TOP2A: variants seen among roughly 807,000 people sequenced by gnomAD.
TOP2A encodes DNA topoisomerase 2-alpha.
A neutral mutation model predicts 187.2 loss-of-function variants in TOP2A; 68 were observed. That is an observed-to-expected ratio of 0.36 (90% CI 0.30 to 0.44). TOP2A has a LOEUF of 0.44. Among genes scored for constraint, TOP2A ranks in the 20% least tolerant of loss-of-function variants. The probability of loss-of-function intolerance (pLI) is 1.00; values close to 1 mark genes in which losing one functional copy is unlikely to be tolerated. For missense variants in TOP2A, 1,196 were observed against 1,808.7 expected, an observed-to-expected ratio of 0.66 and a Z score of 6.14; for synonymous variants, 542 against 593.2, an observed-to-expected ratio of 0.91 and a Z score of 1.25.
chr17:40,395,352 T>A, intron 29 of TOP2A, 97 bp downstream of exon 29: 1 of 607,392 alleles, frequency 1.6e-6, no homozygotes, highest in South Asian at 2.3e-5. Flanking sequence ...GTTTCTCAAT[T>A]CAACAAAAAG....
At chr17:40,404,659 TA>T (rs1361200794) in intron 17 of TOP2A, 131 bp downstream of exon 17, 1 of 744,792 alleles carries the variant, frequency 1.3e-6, no homozygotes, top group African/African-American at 1.8e-5. Context: ...AAAGCAAATT[TA>T]ACTGCTGCAC....
At chr17:40,393,845 C>T (rs2035056835) in intron 29 of TOP2A, among the ~76,000 whole-genome samples, 1 of 152,058 alleles carries the variant, frequency 6.6e-6, no homozygotes, top group South Asian at 2.1e-4. Flanking sequence ...CGCTTGAGGT[C>T]AGGAGTTTGA....
chr17:40,406,946 G>A lies in TOP2A; in HGVS notation c.1627-4C>T, dbSNP rs1469260812. The A allele has an allele frequency of 1.3e-6, 2 of 1,574,522 alleles. No individual in the cohort carries two copies. Among genetic ancestry groups the A allele is most frequent in the Non-Finnish European group, 8.6e-7 (1 of 1,156,236 alleles). ...TGATGTGGGAACCATCTTGGTCCTAGAAAGATTTGAAAGCCAAAGTTCAAA... is the reference window on the plus strand; with the variant it reads ...TGATGTGGGAACCATCTTGGTCCTAAAAAGATTTGAAAGCCAAAGTTCAAA... On this transcript the variant is annotated splice_polypyrimidine_tract_variant and splice_region_variant and intron_variant, in intron 13 of 34. Coordinates refer to ENST00000423485, the MANE Select transcript of TOP2A (RefSeq NM_001067.4).
intron 19 of TOP2A, 59 bp from the exon 20 acceptor site, chr17:40,403,113 C>T: frequency 4.1e-6 from 6 of 1,464,248 alleles, no homozygotes; most frequent in Non-Finnish European, 5.6e-6. Flanking sequence ...TACATTATGA[C>T]TTAACCTCAC....
intron 25 of TOP2A, 32 bp downstream of exon 25, chr17:40,399,008 T>C (rs2035140076): frequency 6.3e-7 from 1 of 1,593,010 alleles, no homozygotes; most frequent in Admixed American, 1.8e-5. Context: ...ACATAGTCTT[T>C]AACAATATAG....
At chr17:40,394,777 C>T (rs1360101738) in intron 29 of TOP2A, among the ~76,000 whole-genome samples, 1 of 152,070 alleles carries the variant, frequency 6.6e-6, no homozygotes, top group Non-Finnish European at 1.5e-5. Context: ...TATTTATATC[C>T]GAAGCATGAT....
Position 40,411,032 on chromosome 17 carries a change from T to C in TOP2A, c.1203+77A>G. The C allele has an allele frequency of 7.2e-7, 1 of 1,385,068 alleles. No individual in the cohort carries two copies. Among genetic ancestry groups the C allele is most frequent in the South Asian group, 1.5e-5 (1 of 68,700 alleles). 85.8% of individuals were successfully genotyped at this position (1,385,068 alleles called of 1,614,324 possible). On this transcript the variant is annotated intron_variant, in intron 10 of 34. Coordinates refer to ENST00000423485, the MANE Select transcript of TOP2A (RefSeq NM_001067.4). The surrounding 1 kb of genome is among the most constrained non-coding windows in gnomAD (Gnocchi z 4.4). ...GAGAAGCTCACTATGAGAAGAATCA[T>C]TGTTTCTGCAGAGCTAAGAAGTGCA...
rs2035200897 is a variant in TOP2A, at chr17:40,403,068, A to C, written c.2284-14T>G. ...CATTAGTGACATCTGTGGGGAAAAAAAGATTCATTAAGCTGAGGCTTTTAC... is the reference window on the plus strand; with the variant it reads ...CATTAGTGACATCTGTGGGGAAAAACAGATTCATTAAGCTGAGGCTTTTAC... On this transcript the variant is annotated splice_polypyrimidine_tract_variant and intron_variant, in intron 19 of 34. Transcript: ENST00000423485. 6.3e-7 allele frequency: 1 copy of C among 1,582,182 alleles called. No individual in the cohort carries two copies. Among genetic ancestry groups the C allele is most frequent in the African/African-American group, 1.3e-5 (1 of 74,428 alleles).
intron 10 of TOP2A, chr17:40,409,709 G>A (rs2035296294): frequency 4.7e-6 from 1 of 214,186 alleles, no homozygotes; most frequent in African/African-American, 2.4e-5. Context: ...GAACCTGGGA[G>A]GCAGAGATTG....
rs1470403543 is a variant in TOP2A at position 40,396,440 on chromosome 17, T to C, written c.3563A>G (p.Asp1188Gly). The C allele has an allele frequency of 6.2e-7, 1 of 1,613,896 alleles. No individual in the cohort carries two copies. The highest frequency in any genetic ancestry group is 2.2e-5 in the East Asian group (1 of 44,892). ...TTTCCCAGGAAGTCCGACTTGTTCA[T>C]CTTGTTTTTCCTTGGCTTCAACAGC... ...LEAVEAKEKQ[D>G]EQVGLPGKGG... The change falls in exon 28 of 35, where the codon GAT becomes GGT. Residue 1188 changes from aspartate to glycine, a missense_variant. Coordinates refer to ENST00000423485, the MANE Select transcript of TOP2A (RefSeq NM_001067.4).
chr17:40,412,626 A>G, intron 7 of TOP2A, 133 bp downstream of exon 7: 1 of 744,632 alleles, frequency 1.3e-6, no homozygotes, highest in South Asian at 1.8e-5. Flanking sequence ...CCCGGGCAAC[A>G]GTGTGAGACT....
chr17:40,402,755 G>A, intron 20 of TOP2A, 151 bp downstream of exon 20: 1 of 693,776 alleles, frequency 1.4e-6, no homozygotes, highest in Non-Finnish European at 2.3e-6. Context: ...TTGTTATGGG[G>A]GGGCTTTCCT....
Position 40,411,043 on chromosome 17 carries a change from G to T in TOP2A, c.1203+66C>A. ...TATGAGAAGAATCATTGTTTCTGCA[G>T]AGCTAAGAAGTGCAATGGAAAATAA... On this transcript the variant is annotated intron_variant, in intron 10 of 34. Transcript: ENST00000423485. This position sits in a 1 kb window ranked among gnomAD's most constrained non-coding sequence, Gnocchi z 4.4. The T allele has an allele frequency of 7.0e-7, 1 of 1,438,132 alleles. No individual in the cohort carries two copies. The highest frequency in any genetic ancestry group is 9.3e-7 in the Non-Finnish European group (1 of 1,078,466). 89.1% of individuals were successfully genotyped at this position (1,438,132 alleles called of 1,614,324 possible).
At chr17:40,413,096 G>A (rs1293663485) in intron 6 of TOP2A, 99 bp downstream of exon 6, 3 of 1,286,282 alleles carry the variant, frequency 2.3e-6, no homozygotes, top group African/African-American at 3.0e-5. Flanking sequence ...TACTTCAATA[G>A]CTTATAAATT....
intron 1 of TOP2A, among the ~76,000 whole-genome samples, chr17:40,417,245 G>A (rs967419106): frequency 2.0e-5 from 3 of 151,950 alleles, no homozygotes; most frequent in African/African-American, 7.3e-5. Flanking sequence ...ACGGTGTCCC[G>A]AGCACACGAC....
chr17:40,398,970 A>G, intron 25 of TOP2A, 33 bp from the exon 26 acceptor site: 2 of 1,600,830 alleles, frequency 1.2e-6, no homozygotes, highest in Non-Finnish European at 1.7e-6. Context: ...GCTTTATTAG[A>G]AAATGTGAAA....
intron 29 of TOP2A, among the ~76,000 whole-genome samples, 168 bp downstream of exon 29, chr17:40,395,281 C>CAAAAAAAAAAAAAAAAAAAA (rs755789593): frequency 1.8e-5 from 1 of 54,856 alleles, no homozygotes. Context: ...GAAACTGTCT[C>CAAAAAAAAAAAAAAAAAAAA]AAAAAAAAAA....
intron 19 of TOP2A, among the ~76,000 whole-genome samples, chr17:40,403,756 G>C (rs931274202): frequency 6.6e-6 from 1 of 152,134 alleles, no homozygotes; most frequent in African/African-American, 2.4e-5. Context: ...TTATTGTTCT[G>C]TCTCTTTTTT....
chr17:40,399,344 A>T (rs754649061), intron 24 of TOP2A: 1 of 499,178 alleles, frequency 2.0e-6, no homozygotes, highest in Admixed American at 3.4e-5. Flanking sequence ...TGATCAAATC[A>T]TTTTTTTTTG....
Sources: allele counts gnomAD v4.1 joint callset (sites outside exome capture counted in the v4.1 genomes callset), GRCh38; gene constraint gnomAD v4.1.1; non-coding constraint Gnocchi (gnomAD v3.1); transcripts MANE v1.5; gene names NCBI Gene and HGNC (gene_info 2026-07-23, HGNC 2026-07-21).